CADM2: variants seen among roughly 807,000 people sequenced by gnomAD.
The protein encoded by CADM2 is immunoglobulin superfamily member 4D.
A neutral mutation model predicts 49.8 loss-of-function variants in CADM2; 12 were observed. The ratio of observed to expected loss-of-function variants is 0.24; its 90% confidence interval spans 0.15 to 0.39. The LOEUF is 0.39. Among genes scored for constraint, CADM2 ranks in the 10% least tolerant of loss-of-function variants. The pLI is 1.00. For synonymous variants in CADM2, 214 were observed against 175.4 expected (o/e 1.22, Z -1.74); for missense variants, 378 against 492.3 (o/e 0.77, Z 2.20).
At chr3:86,063,549 T>C (rs1179189817) in intron 8 of CADM2, among the ~76,000 whole-genome samples, 1 of 152,184 alleles carries the variant, frequency 6.6e-6, no homozygotes, top group East Asian at 1.9e-4. Context: ...TTGAAGTAGG[T>C]GTCGGGGAGT....
chr3:85,732,492 C>A (rs2067975237), intron 2 of CADM2, among the ~76,000 whole-genome samples: 1 of 152,130 alleles, frequency 6.6e-6, no homozygotes, highest in African/African-American at 2.4e-5. Flanking sequence ...AGACCCCGAG[C>A]TAGTACCTTT....
rs1393412281 is a variant in CADM2, at chr3:86,072,944, A to T, written c.*6161A>T. The T allele has an allele frequency of 6.6e-6, 1 of 152,090 alleles. No homozygotes were observed. The highest frequency in any genetic ancestry group is 1.5e-5 in the Non-Finnish European group (1 of 67,966). 9.4% of individuals were successfully genotyped at this position (152,090 alleles called of 1,614,324 possible). On this transcript the variant is annotated 3_prime_UTR_variant, in exon 10 of 10. Transcript: ENST00000383699. ...ACAATTTTAATCTTTTTACAAATTTATTTAACTGTACCTACTGTACTTATT... is the reference window on the plus strand; with the variant it reads ...ACAATTTTAATCTTTTTACAAATTTTTTTAACTGTACCTACTGTACTTATT...
At chr3:85,719,698 G>A (rs2067428282) in intron 1 of CADM2, among the ~76,000 whole-genome samples, 1 of 151,432 alleles carries the variant, frequency 6.6e-6, no homozygotes, top group Admixed American at 6.6e-5. Flanking sequence ...AGGGATGGCA[G>A]AGGCAGGAGA....
intron 1 of CADM2, among the ~76,000 whole-genome samples, chr3:85,601,900 A>G (rs527369178): frequency 6.6e-6 from 1 of 151,624 alleles, no homozygotes; most frequent in Non-Finnish European, 1.5e-5. Flanking sequence ...ATTTCAATTT[A>G]TTTAAACAGA....
chr3:84,963,163 A>T (rs2030700815), intron 1 of CADM2, among the ~76,000 whole-genome samples: 1 of 152,210 alleles, frequency 6.6e-6, no homozygotes, highest in South Asian at 2.1e-4. Flanking sequence ...GTGTTCAGTT[A>T]CAATGTGTCT....
intron 1 of CADM2, among the ~76,000 whole-genome samples, chr3:85,151,221 A>G (rs939340230): frequency 5.3e-5 from 8 of 152,070 alleles, no homozygotes; most frequent in African/African-American, 1.9e-4. Context: ...AATTCTCCTC[A>G]TAACTTGTTC....
chr3:85,674,261 A>G (rs544325417), intron 1 of CADM2, among the ~76,000 whole-genome samples: 33 of 152,314 alleles, frequency 2.2e-4, no homozygotes, highest in African/African-American at 4.8e-4. Flanking sequence ...ATAAGGAAAC[A>G]TCTCCATGCT....
intron 6 of CADM2, among the ~76,000 whole-genome samples, chr3:85,933,133 T>C (rs1480806495): frequency 6.6e-6 from 1 of 152,158 alleles, no homozygotes; most frequent in Non-Finnish European, 1.5e-5. Flanking sequence ...GGTGGTGACC[T>C]TCCATTTCCC....
At chr3:85,666,790 T>C (rs1161366606) in intron 1 of CADM2, among the ~76,000 whole-genome samples, 1 of 151,744 alleles carries the variant, frequency 6.6e-6, no homozygotes, top group Non-Finnish European at 1.5e-5. Context: ...TCTTCCTAGG[T>C]TGTATGGCAG....
intron 1 of CADM2, among the ~76,000 whole-genome samples, chr3:85,301,326 G>T (rs186048208): frequency 6.6e-6 from 1 of 152,126 alleles, no homozygotes; most frequent in African/African-American, 2.4e-5. Flanking sequence ...ACACACAGCT[G>T]CTAAAATGGA....
At chr3:85,852,055 C>G (rs1480676944) in intron 3 of CADM2, among the ~76,000 whole-genome samples, 2 of 152,078 alleles carry the variant, frequency 1.3e-5, no homozygotes, top group Non-Finnish European at 2.9e-5. Flanking sequence ...ATCCGTATTA[C>G]TGCAAATGCC....
intron 1 of CADM2, among the ~76,000 whole-genome samples, chr3:85,516,951 C>A (rs2060918652): frequency 6.6e-6 from 1 of 151,230 alleles, no homozygotes; most frequent in South Asian, 2.1e-4. Context: ...TCCAACTGAT[C>A]ACAGAATACC....
intron 3 of CADM2, among the ~76,000 whole-genome samples, chr3:85,805,958 A>G (rs1333634293): frequency 6.6e-6 from 1 of 152,192 alleles, no homozygotes; most frequent in Non-Finnish European, 1.5e-5. Flanking sequence ...CCGTAGCTAC[A>G]CAGTAAAATC....
At chr3:85,112,609 C>A (rs1326333442) in intron 1 of CADM2, among the ~76,000 whole-genome samples, 1 of 151,746 alleles carries the variant, frequency 6.6e-6, no homozygotes. Flanking sequence ...TACAAAAATT[C>A]TTCAGTACTA....
At chr3:85,530,707 A>C (rs1265524269) in intron 1 of CADM2, among the ~76,000 whole-genome samples, 1 of 152,112 alleles carries the variant, frequency 6.6e-6, no homozygotes, top group Non-Finnish European at 1.5e-5. Flanking sequence ...GATAGGGACC[A>C]TGTTTGTTTA....
At chr3:85,620,473 A>C (rs1437769224) in intron 1 of CADM2, among the ~76,000 whole-genome samples, 1 of 152,190 alleles carries the variant, frequency 6.6e-6, no homozygotes, top group East Asian at 1.9e-4. Flanking sequence ...AAAATTTTTA[A>C]GCAACCTCCA....
chr3:85,954,094 A>G (rs943981625), intron 7 of CADM2, among the ~76,000 whole-genome samples: 7 of 151,022 alleles, frequency 4.6e-5, no homozygotes, highest in African/African-American at 1.7e-4. Context: ...TTTATTTGAT[A>G]TTTAAAGAAT....
intron 8 of CADM2, chr3:86,014,942 G>A: frequency 1.4e-6 from 2 of 1,463,902 alleles, no homozygotes; most frequent in Admixed American, 1.7e-5. Flanking sequence ...ATGGACGAAA[G>A]CGTCTTAAAG....
At chr3:85,721,257 C>A (rs1189753319) in intron 1 of CADM2, among the ~76,000 whole-genome samples, 1 of 152,150 alleles carries the variant, frequency 6.6e-6, no homozygotes, top group Non-Finnish European at 1.5e-5. Flanking sequence ...CTTCCAATGG[C>A]AATGTTTTGT....
Sources: allele counts gnomAD v4.1 joint callset (sites outside exome capture counted in the v4.1 genomes callset), GRCh38; gene constraint gnomAD v4.1.1; transcripts MANE v1.5; gene names NCBI Gene and HGNC (gene_info 2026-07-23, HGNC 2026-07-21).